The following LEPR variants were observed in gnomAD, a reference collection of about 807,000 sequenced individuals.
The protein encoded by LEPR is leptin receptor, also known as OB receptor.
LEPR carries 56 observed loss-of-function variants against 114.7 expected under a neutral mutation model. The ratio of observed to expected loss-of-function variants is 0.49; its 90% CI spans 0.39 to 0.61. LEPR has a LOEUF of 0.61. LEPR is among the 20% of genes least tolerant of loss of function. The pLI is 0.00. For missense variants in LEPR, 1,202 were observed against 1,352.9 expected, an observed-to-expected ratio of 0.89 and a Z score of 1.75; for synonymous variants, 443 against 461.4, an observed-to-expected ratio of 0.96 and a Z score of 0.51.
rs546466622 is a variant in LEPR at position 65,578,735 on chromosome 1, A to T, written c.494+6286A>T. Among the ~76,000 whole-genome samples, 7 of 152,308 alleles carry T rather than the reference A, an allele frequency of 4.6e-5. No individual in the cohort carries two copies. The East Asian group carries it at 9.6e-4, about 21-fold the overall frequency. On this transcript the variant is annotated intron_variant, in intron 5 of 19. Coordinates refer to ENST00000349533, the MANE Select transcript of LEPR (RefSeq NM_002303.6). ...AAATTTAATAATTCCAGGAATCCTT[A>T]TATAAAATAATAGGGGGAAGGAAAA...
At chr1:65,506,227 A>G (rs1415781231) in intron 2 of LEPR, among the ~76,000 whole-genome samples, 1 of 152,208 alleles carries the variant, frequency 6.6e-6, no homozygotes, top group East Asian at 1.9e-4. Flanking sequence ...TAGACACTCA[A>G]GTTACCGGGA....
chr1:65,550,899 G>A (rs6691579), intron 2 of LEPR, among the ~76,000 whole-genome samples: 2,677 of 152,028 alleles, frequency 0.018, 87 homozygotes, highest in African/African-American at 0.06. Context: ...GAAATCACCC[G>A]TCTTCTGCGT....
At chr1:65,434,981 G>C (rs1646538578) in intron 2 of LEPR, 1 of 985,348 alleles carries the variant, frequency 1.0e-6, no homozygotes, top group South Asian at 4.7e-5. Flanking sequence ...TGGGCCGACT[G>C]CCATTCCCAT....
chr1:65,510,914 C>T (rs895397403), intron 2 of LEPR, among the ~76,000 whole-genome samples: 1 of 152,114 alleles, frequency 6.6e-6, no homozygotes, highest in African/African-American at 2.4e-5. Flanking sequence ...CTTTGAAGTA[C>T]TCTGTGAAAT....
chr1:65,614,098 G>T (rs1456126667), intron 14 of LEPR, among the ~76,000 whole-genome samples: 1 of 152,100 alleles, frequency 6.6e-6, no homozygotes, highest in African/African-American at 2.4e-5. Context: ...TGCATCCTAG[G>T]TATTTACTCA....
At chr1:65,606,446 C>A (rs914440195) in intron 11 of LEPR, among the ~76,000 whole-genome samples, 1 of 152,102 alleles carries the variant, frequency 6.6e-6, no homozygotes, top group African/African-American at 2.4e-5. Context: ...CTACTTAGTA[C>A]TAGAAAGTAA....
intron 2 of LEPR, among the ~76,000 whole-genome samples, chr1:65,441,379 A>G (rs1240433816): frequency 1.3e-5 from 2 of 152,152 alleles, no homozygotes; most frequent in Non-Finnish European, 2.9e-5. Context: ...CTTTGGTGCC[A>G]TTTAGGCATA....
intron 2 of LEPR, chr1:65,486,462 A>C (rs1251400746): frequency 6.6e-6 from 1 of 152,198 alleles, no homozygotes; most frequent in Non-Finnish European, 1.5e-5. Flanking sequence ...CTCTTCTCAA[A>C]TGTGAGCTCC....
rs1658841567 is a variant in LEPR, at chr1:65,640,915, T to C, written c.*3900T>C. 1 of 150,086 alleles carries C rather than the reference T, an allele frequency of 6.7e-6. No individual in the cohort carries two copies. Among genetic ancestry groups the C allele is most frequent in the Non-Finnish European group, 1.5e-5 (1 of 67,674 alleles). 9.3% of individuals were successfully genotyped at this position (150,086 alleles called of 1,614,324 possible). ...AGCTGGGATTACGGGCACACCACCA[T>C]GCCCAGCTTTTATTTATTTATTTAT... On this transcript the variant is annotated 3_prime_UTR_variant, in exon 20 of 20. Transcript: ENST00000349533.
chr1:65,488,287 C>CT lies in LEPR; in HGVS notation c.-21+62909_-21+62910insT, dbSNP rs1557620523. Among the ~76,000 whole-genome samples, 22 of 126,682 alleles carry CT rather than the reference C, an allele frequency of 1.7e-4. No homozygotes were observed. The South Asian group carries it at 1.8e-3, about 10-fold the overall frequency. The allele number at this position is 126,682 out of a possible 152,430, so 83.1% of individuals were successfully genotyped here. A position where few individuals can be genotyped will look rare whatever the true frequency, so the allele number is the denominator to read the frequency against. On this transcript the variant is annotated intron_variant, in intron 2 of 19. Transcript: ENST00000349533. Reference sequence around the variant, plus strand: ...TTTCTCTTTCCTCTTTCTTTCCCTCCCTCTCTCTCTCTCTCTTTCTCTTTC... The same window carrying CT: ...TTTCTCTTTCCTCTTTCTTTCCCTCCTCTCTCTCTCTCTCTCTTTCTCTTTC...
At chr1:65,550,717 T>C (rs1652254370) in intron 2 of LEPR, among the ~76,000 whole-genome samples, 2 of 152,204 alleles carry the variant, frequency 1.3e-5, no homozygotes, top group Non-Finnish European at 2.9e-5. Flanking sequence ...AGGTGCCGTC[T>C]GTCACCTCTT....
Position 65,592,975 on chromosome 1 carries a change from G to A in LEPR, c.703+110G>A. 5 of 1,203,346 alleles carry A rather than the reference G, an allele frequency of 4.2e-6. No homozygotes were observed. In the South Asian group the frequency reaches 5.3e-5, roughly 13 times the overall value. 74.5% of individuals were successfully genotyped at this position (1,203,346 alleles called of 1,614,324 possible). A position where few individuals can be genotyped will look rare whatever the true frequency, so the allele number is the denominator to read the frequency against. ...AGCTTATCTCACTTTGCTTAACACT[G>A]TAATGATGGTAGATGTAGTACTGGG... is the stretch of plus-strand genomic sequence containing the variant. On this transcript the variant is annotated intron_variant, in intron 6 of 19. Coordinates refer to ENST00000349533, the MANE Select transcript of LEPR (RefSeq NM_002303.6).
rs77182938 is a variant in LEPR at position 65,472,615 on chromosome 1, G to GACACACACAC, written c.-21+47261_-21+47270dup. On this transcript the variant is annotated intron_variant, in intron 2 of 19. Coordinates refer to ENST00000349533, the MANE Select transcript of LEPR (RefSeq NM_002303.6). ...ATAATTAAATGAGTGTATATATATA[G>GACACACACAC]ACACACACACACACACACACACACA... is the stretch of plus-strand genomic sequence containing the variant. 7.1e-4 allele frequency among the ~76,000 whole-genome samples: 98 copies of GACACACACAC among 137,142 alleles called. 1 individual carries two copies. The highest frequency in any genetic ancestry group is 2.4e-3 in the African/African-American group (86 of 36,022). 90.0% of individuals were successfully genotyped at this position (137,142 alleles called of 152,430 possible).
chr1:65,469,316 T>C (rs1351349216), intron 2 of LEPR, among the ~76,000 whole-genome samples: 1 of 152,242 alleles, frequency 6.6e-6, no homozygotes, highest in Non-Finnish European at 1.5e-5. Context: ...TTGAGGACAA[T>C]GTGGAGAACA....
chr1:65,476,210 A>G (rs565548070), intron 2 of LEPR, among the ~76,000 whole-genome samples: 3 of 151,126 alleles, frequency 2.0e-5, no homozygotes, highest in Non-Finnish European at 4.4e-5. Context: ...TAGCTTGAAT[A>G]TATCTTGGTG....
At position 65,598,711 on chromosome 1, in the gene LEPR, G is replaced by C; in HGVS notation, c.901G>C (p.Gly301Arg). 1.2e-6 allele frequency: 2 copies of C among 1,613,504 alleles called. No homozygotes were observed. Among genetic ancestry groups the C allele is most frequent in the Non-Finnish European group, 1.7e-6 (2 of 1,179,642 alleles). Reference protein sequence around the residue: ...TSLLVDSILPGSSYEVQVRGK... With the variant: ...TSLLVDSILPRSSYEVQVRGK... Reference sequence around the variant, plus strand: ...CCTGCTAGTAGACAGTATACTTCCTGGGTCTTCGTATGAGGTTCAGGTGAG... The same window carrying C: ...CCTGCTAGTAGACAGTATACTTCCTCGGTCTTCGTATGAGGTTCAGGTGAG... Residue 301 changes from glycine to arginine, a missense_variant, in exon 8 of 20, where the codon GGG becomes CGG. By Grantham distance (125) the Gly-to-Arg change is moderately radical. Transcript: ENST00000349533.
chr1:65,563,885 C>G (rs879274477), intron 2 of LEPR, among the ~76,000 whole-genome samples: 1,032 of 125,412 alleles, frequency 8.2e-3, no homozygotes, highest in East Asian at 0.02. Flanking sequence ...GGGTCAGGAA[C>G]CCACTTGAGG....
intron 2 of LEPR, among the ~76,000 whole-genome samples, chr1:65,460,842 AAAACAAAAACAAAAACAG>A (rs1316919651): frequency 2.0e-5 from 3 of 152,140 alleles, no homozygotes; most frequent in Non-Finnish European, 4.4e-5. Context: ...ACTCTGTCTC[AAAACAAAAACAAAAACAG>A]AAACAAAAAC....
At chr1:65,511,567 A>G (rs893818977) in intron 2 of LEPR, among the ~76,000 whole-genome samples, 3 of 152,204 alleles carry the variant, frequency 2.0e-5, no homozygotes, top group African/African-American at 7.2e-5. Context: ...TTTTAAGAGC[A>G]TATGTGCTAA....
Sources: allele counts gnomAD v4.1 joint callset (sites outside exome capture counted in the v4.1 genomes callset), GRCh38; gene constraint gnomAD v4.1.1; transcripts MANE v1.5; gene names NCBI Gene and HGNC (gene_info 2026-07-23, HGNC 2026-07-21).